The following SPOCK1 variants were observed in gnomAD, a reference collection of about 807,000 sequenced individuals.
SPOCK1 encodes SPARC (osteonectin), cwcv and kazal like domains proteoglycan 1, also known as testican-1.
In SPOCK1, 23 loss-of-function variants were observed where a neutral mutation model predicts 55.3. The observed-to-expected ratio is 0.42, with a 90% CI of 0.30 to 0.59. The LOEUF is 0.59. SPOCK1 is among the 20% of genes least tolerant of loss of function. SPOCK1 has a pLI of 0.22. For missense variants in SPOCK1, 499 were observed against 552.5 expected, an observed-to-expected ratio of 0.90 and a Z score of 0.97; for synonymous variants, 226 against 221.0, an observed-to-expected ratio of 1.02 and a Z score of -0.20.
At chr5:137,487,002 A>G (rs573801369) in intron 2 of SPOCK1, among the ~76,000 whole-genome samples, 32 of 152,344 alleles carry the variant, frequency 2.1e-4, no homozygotes, top group Admixed American at 1.8e-3. Flanking sequence ...CATCATGTCC[A>G]ATAAGCATGG....
intron 3 of SPOCK1, among the ~76,000 whole-genome samples, chr5:137,155,453 C>T (rs562783372): frequency 1.3e-5 from 2 of 152,300 alleles, no homozygotes; most frequent in South Asian, 4.1e-4. Flanking sequence ...CCCAGTTAGC[C>T]AGTGTGGGGA....
At chr5:137,489,887 C>G (rs1249162440) in intron 2 of SPOCK1, among the ~76,000 whole-genome samples, 2 of 152,226 alleles carry the variant, frequency 1.3e-5, no homozygotes, top group Non-Finnish European at 2.9e-5. Flanking sequence ...ATGCCCTTCC[C>G]AGGGAAGCAG....
intron 6 of SPOCK1, among the ~76,000 whole-genome samples, chr5:137,056,746 C>A (rs967290171): frequency 6.6e-6 from 1 of 152,000 alleles, no homozygotes; most frequent in African/African-American, 2.4e-5. Context: ...GTGGCAACAG[C>A]CATTTAGCAG....
intron 7 of SPOCK1, chr5:136,988,912 AAT>A: frequency 3.1e-6 from 1 of 319,976 alleles, no homozygotes; most frequent in Non-Finnish European, 5.7e-6. Flanking sequence ...CTGTGATATA[AAT>A]ATGTGTTTTC....
intron 2 of SPOCK1, among the ~76,000 whole-genome samples, chr5:137,329,182 C>T (rs537461709): frequency 4.6e-5 from 7 of 152,220 alleles, no homozygotes; most frequent in East Asian, 1.9e-4. Context: ...GCTCCTCTTG[C>T]GTAACTGTGA....
At chr5:137,326,385 A>C (rs1296658089) in intron 2 of SPOCK1, among the ~76,000 whole-genome samples, 4 of 152,180 alleles carry the variant, frequency 2.6e-5, no homozygotes, top group African/African-American at 9.7e-5. Context: ...TACCTTCAGA[A>C]CCTGAGCTCT....
chr5:137,160,943 T>C (rs1754542068), intron 3 of SPOCK1, among the ~76,000 whole-genome samples: 1 of 146,524 alleles, frequency 6.8e-6, no homozygotes, highest in Non-Finnish European at 1.5e-5. Context: ...GTGGCACAAT[T>C]CATAATAGCA....
intron 6 of SPOCK1, among the ~76,000 whole-genome samples, chr5:137,029,262 T>TA (rs921417079): frequency 9.8e-5 from 15 of 152,320 alleles, no homozygotes; most frequent in African/African-American, 3.6e-4. Flanking sequence ...ACTCTCAATG[T>TA]AAAACTAAAA....
chr5:137,363,278 C>T (rs989995391), intron 2 of SPOCK1, among the ~76,000 whole-genome samples: 8 of 152,220 alleles, frequency 5.3e-5, no homozygotes, highest in Non-Finnish European at 8.8e-5. Flanking sequence ...ACACCACAGA[C>T]ATGCATTAAA....
intron 6 of SPOCK1, among the ~76,000 whole-genome samples, chr5:137,035,464 G>T (rs1243018309): frequency 6.6e-6 from 1 of 152,238 alleles, no homozygotes; most frequent in African/African-American, 2.4e-5. Flanking sequence ...TGGAAAGAAG[G>T]ACGGCAAAGC....
intron 2 of SPOCK1, among the ~76,000 whole-genome samples, chr5:137,407,093 A>G (rs1752115344): frequency 6.6e-6 from 1 of 152,204 alleles, no homozygotes; most frequent in Non-Finnish European, 1.5e-5. Flanking sequence ...GCTGAAATAA[A>G]CTCAGAAAGA....
chr5:137,080,272 G>A (rs974869336), intron 5 of SPOCK1, among the ~76,000 whole-genome samples: 1 of 152,166 alleles, frequency 6.6e-6, no homozygotes, highest in Non-Finnish European at 1.5e-5. Flanking sequence ...CGAAGCCTGA[G>A]TCCAAATCCA....
At chr5:137,359,825 G>A (rs545739095) in intron 2 of SPOCK1, among the ~76,000 whole-genome samples, 18 of 152,226 alleles carry the variant, frequency 1.2e-4, no homozygotes, top group East Asian at 9.7e-4. Context: ...ATAATATAGC[G>A]TGGAGCTTTC....
chr5:137,251,807 C>T (rs2127106554), intron 3 of SPOCK1, among the ~76,000 whole-genome samples: 1 of 152,316 alleles, frequency 6.6e-6, no homozygotes, highest in South Asian at 2.1e-4. Context: ...CAGCCCATTC[C>T]TCAGAGATAA....
intron 2 of SPOCK1, among the ~76,000 whole-genome samples, chr5:137,356,797 TAATATATATATATATATATATATATATA>T (rs1290045689): frequency 4.1e-5 from 1 of 24,400 alleles, no homozygotes; most frequent in Non-Finnish European, 6.9e-5. Context: ...TCAAAAAAAA[TAATATATATATATATATATATATATATA>T]TATATATATA....
intron 2 of SPOCK1, among the ~76,000 whole-genome samples, chr5:137,384,583 T>G (rs1385961126): frequency 2.3e-5 from 3 of 128,390 alleles, no homozygotes; most frequent in African/African-American, 9.2e-5. Context: ...TATATATGTA[T>G]GTATTTTTTT....
chr5:137,259,008 G>A (rs990365284), intron 3 of SPOCK1, among the ~76,000 whole-genome samples: 3 of 152,144 alleles, frequency 2.0e-5, no homozygotes, highest in African/African-American at 7.2e-5. Flanking sequence ...CACAGTTCCT[G>A]ACAGAACTGA....
At chr5:137,190,041 G>A (rs188441934) in intron 3 of SPOCK1, among the ~76,000 whole-genome samples, 1 of 122,508 alleles carries the variant, frequency 8.2e-6, no homozygotes, top group East Asian at 2.2e-4. Context: ...TTGAACAGAT[G>A]AGGAGTTGCT....
At chr5:137,003,195 C>T (rs1751182297) in intron 6 of SPOCK1, among the ~76,000 whole-genome samples, 1 of 152,070 alleles carries the variant, frequency 6.6e-6, no homozygotes, top group South Asian at 2.1e-4. Flanking sequence ...CACCTGAGGC[C>T]AGGAGTTCAT....
Sources: gnomAD v4.1 joint callset for allele counts (sites outside exome capture counted in the v4.1 genomes callset) on GRCh38, gnomAD v4.1.1 for gene constraint, MANE v1.5 for transcripts, NCBI Gene and HGNC (gene_info 2026-07-23, HGNC 2026-07-21) for gene names.